Variants in ZNF30 observed in about 807,000 individuals in gnomAD.
ZNF30 encodes zinc finger protein 30.
A neutral mutation model predicts 13.2 loss-of-function variants in ZNF30; 15 were observed. The ratio of observed to expected loss-of-function variants is 1.13; its 90% confidence interval spans 0.76 to 1.75. The LOEUF is 1.75. ZNF30 is among the 40% of genes most tolerant of loss of function. The pLI is 0.00. For missense variants in ZNF30, 726 were observed against 757.0 expected (o/e 0.96, Z 0.48); for synonymous variants, 223 against 256.6 (o/e 0.87, Z 1.25).
intron 1 of ZNF30, among the ~76,000 whole-genome samples, chr19:34,928,224 T>TAC (rs1568533930): frequency 1.4e-5 from 1 of 70,512 alleles, no homozygotes; most frequent in Non-Finnish European, 2.9e-5. Flanking sequence ...AAAAAAAATA[T>TAC]ATATATATAT....
intron 1 of ZNF30, among the ~76,000 whole-genome samples, chr19:34,929,619 A>C (rs1340718583): frequency 6.6e-6 from 1 of 152,172 alleles, no homozygotes. Flanking sequence ...TGTGCAACCC[A>C]ATTTGAGACC....
chr19:34,930,683 C>T (rs1246318427), intron 2 of ZNF30, among the ~76,000 whole-genome samples: 4 of 151,962 alleles, frequency 2.6e-5, no homozygotes, highest in Admixed American at 2.0e-4. Context: ...CATGGCAAGA[C>T]CCTGTCTCTA....
chr19:34,926,622 G>C (rs1445682183), upstream of ZNF30: 2 of 207,306 alleles, frequency 9.6e-6, no homozygotes, highest in African/African-American at 4.6e-5. Flanking sequence ...AAACAGTACG[G>C]AAAGATAATT....
At chr19:34,939,304 C>G (rs531459641) in intron 4 of ZNF30, among the ~76,000 whole-genome samples, 1 of 152,030 alleles carries the variant, frequency 6.6e-6, no homozygotes, top group South Asian at 2.1e-4. Flanking sequence ...GCCTTAGCCT[C>G]CGGAGTAGCT....
upstream of ZNF30, among the ~76,000 whole-genome samples, chr19:34,925,049 T>C (rs139021632): frequency 3.3e-5 from 5 of 152,300 alleles, no homozygotes; most frequent in African/African-American, 1.2e-4. Flanking sequence ...GGGCGTGCGA[T>C]GGGGGTGTGG....
chr19:34,926,892 C>G, upstream of ZNF30: 1 of 398,084 alleles, frequency 2.5e-6, no homozygotes, highest in South Asian at 1.3e-4. Flanking sequence ...CTCCGGGCGC[C>G]GGTGGGCGGC....
At position 34,929,907 on chromosome 19, in the gene ZNF30, A is replaced by G. The variant is rs199879579; in HGVS notation, c.-41A>G. ...AGCTTTTGAACTTCTCAGATAGAGGAACCCCAGTGAAGACTGATCAGTTCT... is the reference window on the plus strand; with the variant it reads ...AGCTTTTGAACTTCTCAGATAGAGGGACCCCAGTGAAGACTGATCAGTTCT... On this transcript the variant is annotated 5_prime_UTR_variant, in exon 2 of 5. Transcript: ENST00000601142. 715 of 1,584,462 alleles carry G rather than the reference A, an allele frequency of 4.5e-4. No individual in the cohort carries two copies. The highest frequency in any genetic ancestry group is 5.7e-4 in the Non-Finnish European group (663 of 1,166,048).
At chr19:34,942,443 CAAAAAAAAAAAGAAAAGAA>C (rs1383823587) in intron 4 of ZNF30, among the ~76,000 whole-genome samples, 1 of 113,468 alleles carries the variant, frequency 8.8e-6, no homozygotes, top group Non-Finnish European at 1.9e-5. Context: ...AGATCCTATC[CAAAAAAAAAAAGAAAAGAA>C]AAAAAGAAAA....
At position 34,931,994 on chromosome 19, in the gene ZNF30, G is replaced by T. The variant is rs1039596431; in HGVS notation, c.160+1G>T. On this transcript the variant is annotated splice_donor_variant, in intron 3 of 4. Coordinates refer to ENST00000601142, the MANE Select transcript of ZNF30 (RefSeq NM_194325.3). LOFTEE classifies it high-confidence loss of function. ...AACTACAGGAACTTGGTGTCAATGG[G>T]TAAGTGTACTTCTCTCAAATAATTG... 6.3e-7 allele frequency: 1 copy of T among 1,587,274 alleles called. No individual in the cohort carries two copies. Among genetic ancestry groups the T allele is most frequent in the Non-Finnish European group, 8.5e-7 (1 of 1,170,336 alleles).
upstream of ZNF30, among the ~76,000 whole-genome samples, chr19:34,926,365 G>T (rs1450022462): frequency 6.6e-6 from 1 of 152,154 alleles, no homozygotes; most frequent in Non-Finnish European, 1.5e-5. Flanking sequence ...CGTATGATGG[G>T]ACAGAAAGAT....
intron 2 of ZNF30, among the ~76,000 whole-genome samples, chr19:34,931,547 T>C (rs2012453666): frequency 6.6e-6 from 1 of 152,228 alleles, no homozygotes; most frequent in Non-Finnish European, 1.5e-5. Flanking sequence ...GAGAATTTGT[T>C]TCATTGGATA....
chr19:34,943,170 C>T, intron 4 of ZNF30, 53 bp from the exon 5 acceptor site: 2 of 1,336,960 alleles, frequency 1.5e-6, no homozygotes, highest in Non-Finnish European at 9.8e-7. Context: ...CTTTTCTTCC[C>T]TAGAATTTTT....
chr19:34,931,064 G>A (rs547246448), intron 2 of ZNF30, among the ~76,000 whole-genome samples: 1 of 130,718 alleles, frequency 7.7e-6, no homozygotes, highest in Non-Finnish European at 1.6e-5. Flanking sequence ...TTGAGACTGA[G>A]TCTCGCTCTG....
At chr19:34,928,123 T>C (rs894608212) in intron 1 of ZNF30, among the ~76,000 whole-genome samples, 1 of 150,648 alleles carries the variant, frequency 6.6e-6, no homozygotes, top group African/African-American at 2.4e-5. Flanking sequence ...GAGAAGTGCT[T>C]GAAGCTGGGA....
Position 34,927,220 on chromosome 19 carries a change from A to G in ZNF30, c.-65+4A>G. 1 of 382,430 alleles carries G rather than the reference A, an allele frequency of 2.6e-6. No homozygotes were observed. The allele number at this position is 382,430 out of a possible 1,614,324, so 23.7% of individuals were successfully genotyped here. A position where few individuals can be genotyped will look rare whatever the true frequency, so the allele number is the denominator to read the frequency against. On this transcript the variant is annotated splice_donor_region_variant and intron_variant, in intron 1 of 4. Coordinates refer to ENST00000601142, the MANE Select transcript of ZNF30 (RefSeq NM_194325.3). ...CGGAACCCGGACTGAGACATGCGTG[A>G]GCGTTGGGTGGACCGGGCGAGGATC...
intron 1 of ZNF30, among the ~76,000 whole-genome samples, chr19:34,927,498 C>G (rs932612766): frequency 6.6e-6 from 1 of 152,186 alleles, no homozygotes; most frequent in East Asian, 1.9e-4. Context: ...CAGGAAGCCT[C>G]TTCTTGTTTG....
upstream of ZNF30, among the ~76,000 whole-genome samples, chr19:34,924,549 T>C (rs1308529886): frequency 6.6e-6 from 1 of 152,168 alleles, no homozygotes; most frequent in African/African-American, 2.4e-5. Context: ...AGTCCTTTAA[T>C]CAGGGGACTA....
At chr19:34,928,904 A>G (rs139000543) in intron 1 of ZNF30, among the ~76,000 whole-genome samples, 69 of 152,350 alleles carry the variant, frequency 4.5e-4, no homozygotes, top group African/African-American at 1.6e-3. Context: ...AAGAAAAAAC[A>G]TAGTATATAT....
intron 1 of ZNF30, among the ~76,000 whole-genome samples, chr19:34,928,269 A>ATG: frequency 1.9e-5 from 1 of 51,966 alleles, no homozygotes; most frequent in African/African-American, 1.7e-4. Flanking sequence ...AGATAGATAG[A>ATG]TAGATACATA....
Sources: allele counts gnomAD v4.1 joint callset (sites outside exome capture counted in the v4.1 genomes callset), GRCh38; gene constraint gnomAD v4.1.1; transcripts MANE v1.5; gene names NCBI Gene and HGNC (gene_info 2026-07-23, HGNC 2026-07-21).